The following CLRN1 variants were observed in gnomAD, a reference collection of about 807,000 sequenced individuals.
CLRN1 encodes clarin 1.
CLRN1 carries 15 observed loss-of-function variants against 18.7 expected under a neutral mutation model. That is an observed-to-expected ratio of 0.80 (90% CI 0.54 to 1.23). CLRN1 has a LOEUF of 1.23. Among genes scored for constraint, CLRN1 ranks in the 50% most tolerant of loss-of-function variants. The pLI, the probability that CLRN1 is intolerant of heterozygous loss-of-function variation, is 0.00. For synonymous variants in CLRN1, 104 were observed against 102.9 expected (o/e 1.01, Z -0.07); for missense variants, 311 against 277.5 (o/e 1.12, Z -0.86).
intron 2 of CLRN1, among the ~76,000 whole-genome samples, chr3:150,931,662 C>T (rs1576625582): frequency 6.6e-6 from 1 of 152,180 alleles, no homozygotes; most frequent in Non-Finnish European, 1.5e-5. Context: ...AGGCTCTTTA[C>T]TGTGTGCAGT....
intron 1 of CLRN1, among the ~76,000 whole-genome samples, chr3:150,967,945 G>A (rs1481558216): frequency 2.0e-5 from 3 of 152,102 alleles, no homozygotes. Context: ...AAGAAACTCT[G>A]CTTTTCTAAA....
intron 1 of CLRN1, among the ~76,000 whole-genome samples, chr3:150,969,426 G>T (rs1261198172): frequency 7.0e-6 from 1 of 142,584 alleles, no homozygotes; most frequent in South Asian, 2.3e-4. Flanking sequence ...TCCCGGGTTC[G>T]TGCCATTCTC....
chr3:150,969,229 T>C (rs1715408051), intron 1 of CLRN1, among the ~76,000 whole-genome samples: 1 of 148,812 alleles, frequency 6.7e-6, no homozygotes, highest in South Asian at 2.1e-4. Context: ...TATTCCTTTT[T>C]ACTTTTGTTT....
chr3:150,945,309 T>A (rs1200499079), intron 1 of CLRN1, among the ~76,000 whole-genome samples: 1 of 152,078 alleles, frequency 6.6e-6, no homozygotes, highest in Non-Finnish European at 1.5e-5. Context: ...GAGTGATTTG[T>A]GAATTAGGAG....
At chr3:150,942,515 A>G (rs1304322905) in intron 1 of CLRN1, 1 of 406,496 alleles carries the variant, frequency 2.5e-6, no homozygotes, top group African/African-American at 2.1e-5. Context: ...AGTTCCCCAA[A>G]CATGTATCAA....
chr3:150,940,710 A>G (rs1304647159), intron 2 of CLRN1, among the ~76,000 whole-genome samples: 2 of 152,234 alleles, frequency 1.3e-5, no homozygotes, highest in East Asian at 3.8e-4. Flanking sequence ...CAGAACAGCT[A>G]CATATAAATT....
chr3:150,952,022 CTG>C (rs901669333), intron 1 of CLRN1, among the ~76,000 whole-genome samples: 1 of 152,128 alleles, frequency 6.6e-6, no homozygotes, highest in African/African-American at 2.4e-5. Flanking sequence ...GTTTGGAAGA[CTG>C]TGGTAGTGTC....
intron 2 of CLRN1, among the ~76,000 whole-genome samples, chr3:150,935,103 A>G (rs1713384439): frequency 6.6e-6 from 1 of 151,372 alleles, no homozygotes; most frequent in East Asian, 1.9e-4. Flanking sequence ...AGTGTTCTTC[A>G]GGAATTGGTC....
chr3:150,934,176 C>T (rs1713321957), intron 2 of CLRN1, among the ~76,000 whole-genome samples: 2 of 152,102 alleles, frequency 1.3e-5, no homozygotes, highest in Admixed American at 1.3e-4. Context: ...ATTATTCATA[C>T]TGAAACTGAT....
At chr3:150,960,380 T>C (rs1445626531) in intron 1 of CLRN1, among the ~76,000 whole-genome samples, 3 of 152,126 alleles carry the variant, frequency 2.0e-5, no homozygotes, top group African/African-American at 7.2e-5. Context: ...ATTTGGCCCA[T>C]GGGTGGTCAG....
Position 150,926,837 on chromosome 3 carries a change from G to T in CLRN1, c.*1099C>A, listed in dbSNP as rs756420617. On this transcript the variant is annotated 3_prime_UTR_variant, in exon 3 of 3. Coordinates refer to ENST00000327047, the MANE Select transcript of CLRN1 (RefSeq NM_174878.3). ...GGACAGCAGGTTGAGGATGAAGGAA[G>T]GGTCAGTTCCAGGCTCAGCTGTGGC... The T allele has an allele frequency of 9.3e-6, 15 of 1,614,096 alleles. No homozygotes were observed. The highest frequency in any genetic ancestry group is 1.3e-5 in the Non-Finnish European group (15 of 1,180,020).
chr3:150,971,676 G>A (rs1259565066), intron 1 of CLRN1, among the ~76,000 whole-genome samples: 1 of 152,172 alleles, frequency 6.6e-6, no homozygotes, highest in East Asian at 1.9e-4. Flanking sequence ...AATGTGTGTT[G>A]TAAGAGATAT....
At chr3:150,965,760 G>A (rs934040695) in intron 1 of CLRN1, among the ~76,000 whole-genome samples, 2 of 152,134 alleles carry the variant, frequency 1.3e-5, no homozygotes, top group Admixed American at 6.5e-5. Flanking sequence ...TACTATTAGG[G>A]TGTGGGATGA....
At chr3:150,953,320 C>T (rs1347573419) in intron 1 of CLRN1, among the ~76,000 whole-genome samples, 1 of 152,062 alleles carries the variant, frequency 6.6e-6, no homozygotes, top group African/African-American at 2.4e-5. Flanking sequence ...TTTGTCTGTG[C>T]GTTCAGAATT....
At chr3:150,970,515 AG>A (rs1174245206) in intron 1 of CLRN1, among the ~76,000 whole-genome samples, 2 of 112,784 alleles carry the variant, frequency 1.8e-5, no homozygotes, top group Non-Finnish European at 4.2e-5. Flanking sequence ...TTTTATGCTT[AG>A]GAAAAAAAAA....
intron 1 of CLRN1, among the ~76,000 whole-genome samples, chr3:150,956,311 C>T (rs530003481): frequency 2.6e-5 from 4 of 152,212 alleles, no homozygotes; most frequent in Admixed American, 6.5e-5. Flanking sequence ...ACCTCAAGAA[C>T]GTGAGTGGCA....
At chr3:150,946,585 C>T (rs562578756) in intron 1 of CLRN1, among the ~76,000 whole-genome samples, 7 of 149,808 alleles carry the variant, frequency 4.7e-5, no homozygotes, top group African/African-American at 7.4e-5. Flanking sequence ...GAAGGATAAA[C>T]GAAGACATAA....
intron 1 of CLRN1, among the ~76,000 whole-genome samples, chr3:150,948,022 G>C (rs1162322747): frequency 1.3e-5 from 2 of 152,064 alleles, no homozygotes; most frequent in Non-Finnish European, 2.9e-5. Flanking sequence ...CCCAAAGCTA[G>C]CACAAGACAA....
At chr3:150,933,538 G>A (rs1713281625) in intron 2 of CLRN1, among the ~76,000 whole-genome samples, 1 of 152,112 alleles carries the variant, frequency 6.6e-6, no homozygotes, top group Non-Finnish European at 1.5e-5. Context: ...GAGTGAAGAG[G>A]GGAGGAAGGT....
Sources: gnomAD v4.1 joint callset for allele counts (sites outside exome capture counted in the v4.1 genomes callset) on GRCh38, gnomAD v4.1.1 for gene constraint, MANE v1.5 for transcripts, NCBI Gene and HGNC (gene_info 2026-07-23, HGNC 2026-07-21) for gene names.